COL4A2: variants seen among roughly 807,000 people sequenced by gnomAD.
The protein encoded by COL4A2 is collagen alpha-2(IV) chain.
Under a neutral mutation model 200.2 loss-of-function variants are expected in COL4A2, and 99 were observed. The ratio of observed to expected loss-of-function variants is 0.49; its 90% confidence interval spans 0.42 to 0.58. The LOEUF is 0.58. Ranked by LOEUF, COL4A2 falls within the 20% of genes least tolerant of loss-of-function variation. COL4A2 has a pLI of 0.00. For missense variants in COL4A2, 1,950 were observed against 2,314.1 expected (o/e 0.84, Z 3.23); for synonymous variants, 897 against 900.6 (o/e 1.00, Z 0.07).
Position 110,412,041 on chromosome 13 carries a change from G to A in COL4A2, c.181-12693G>A, listed in dbSNP as rs1228498523. Among the ~76,000 whole-genome samples, 5 of 152,214 alleles carry A rather than the reference G, an allele frequency of 3.3e-5. No individual in the cohort carries two copies. In the East Asian group the frequency reaches 9.6e-4, roughly 29 times the overall value. On this transcript the variant is annotated intron_variant, in intron 4 of 47. Transcript: ENST00000360467. ...TGTTCTAGCTTAGTCCCAACCAGGG[G>A]TCAAAGCTAATAACCTGAAACACTC... is the stretch of plus-strand genomic sequence containing the variant.
At chr13:110,310,132 C>T (rs56074938) in intron 3 of COL4A2, among the ~76,000 whole-genome samples, 46,137 of 152,174 alleles carry the variant, frequency 0.3, 7,466 homozygotes, top group Admixed American at 0.37. Context: ...TAGGACACCT[C>T]TATGCCTCCC....
chr13:110,399,791 G>A (rs527824983), intron 4 of COL4A2, among the ~76,000 whole-genome samples: 1 of 152,334 alleles, frequency 6.6e-6, no homozygotes, highest in Admixed American at 6.5e-5. Flanking sequence ...GCAGGAATAT[G>A]ATAGGCCACC....
chr13:110,364,828 A>G (rs1877674405), intron 4 of COL4A2, among the ~76,000 whole-genome samples: 1 of 152,184 alleles, frequency 6.6e-6, no homozygotes, highest in African/African-American at 2.4e-5. Flanking sequence ...GATGTTCAGT[A>G]TGGTAACTGC....
chr13:110,383,645 T>C (rs1878579198), intron 4 of COL4A2, among the ~76,000 whole-genome samples: 1 of 125,814 alleles, frequency 7.9e-6, no homozygotes, highest in Admixed American at 9.3e-5. Context: ...TGAGACAGTC[T>C]CGCTCTGTCA....
At chr13:110,490,948 A>G (rs1883265448) in intron 36 of COL4A2, among the ~76,000 whole-genome samples, 1 of 152,132 alleles carries the variant, frequency 6.6e-6, no homozygotes, top group African/African-American at 2.4e-5. Context: ...TGGTCCCACA[A>G]TGGAAGGGTG....
At chr13:110,467,145 T>C (rs1348819852) in intron 27 of COL4A2, 49 bp downstream of exon 27, 1 of 1,610,586 alleles carries the variant, frequency 6.2e-7, no homozygotes, top group Non-Finnish European at 8.5e-7. Flanking sequence ...CTCCCACATC[T>C]TCACACTGCT....
intron 8 of COL4A2, 135 bp from the exon 9 acceptor site, chr13:110,430,266 T>C: frequency 9.9e-7 from 1 of 1,006,924 alleles, no homozygotes. Context: ...AAAATTAATA[T>C]TAGTAAATTA....
intron 12 of COL4A2, among the ~76,000 whole-genome samples, chr13:110,434,695 T>C (rs552461871): frequency 6.6e-6 from 1 of 152,174 alleles, no homozygotes; most frequent in Admixed American, 6.5e-5. Context: ...AGACATAAGC[T>C]CAGCTCATCT....
In COL4A2 at chr13:110,469,220, C is replaced by A; in HGVS notation, c.2099C>A (p.Ala700Asp). 1.3e-6 allele frequency: 2 copies of A among 1,588,154 alleles called. No homozygotes were observed. Among genetic ancestry groups the A allele is most frequent in the Non-Finnish European group, 8.6e-7 (1 of 1,166,516 alleles). ...TGTGGTTTATTTGGTTATTTAGGTG[C>A]CAAAGGCCTCCGAGGAATCCCAGGC... ...GLPGPPGPTG[A>D]KGLRGIPGFA... The change falls in exon 28 of 48, where the codon GCC becomes GAC. Residue 700 changes from alanine (A) to aspartate (D), a missense_variant. Physicochemically the swap from Ala to Asp is moderately radical, Grantham distance 126. Transcript: ENST00000360467.
chr13:110,475,468 C>G (rs931541511), intron 29 of COL4A2, among the ~76,000 whole-genome samples: 1 of 152,200 alleles, frequency 6.6e-6, no homozygotes, highest in African/African-American at 2.4e-5. Context: ...TTTTTTAAAA[C>G]TTAATTACTT....
In COL4A2 at chr13:110,458,751, C is replaced by T; in HGVS notation, c.1433-20C>T. 1 of 1,613,658 alleles carries T rather than the reference C, an allele frequency of 6.2e-7. No homozygotes were observed. Among genetic ancestry groups the T allele is most frequent in the Non-Finnish European group, 8.5e-7 (1 of 1,179,794 alleles). On this transcript the variant is annotated intron_variant, in intron 21 of 47. Transcript: ENST00000360467. Reference sequence around the variant, plus strand: ...AAGAGGAATGCGGAACAAGGAGGCCCTCCTCTCCCTCCTCTGCAGGTGACG... The same window carrying T: ...AAGAGGAATGCGGAACAAGGAGGCCTTCCTCTCCCTCCTCTGCAGGTGACG...
chr13:110,457,462 G>C, intron 21 of COL4A2, 27 bp downstream of exon 21: 1 of 1,337,994 alleles, frequency 7.5e-7, no homozygotes, highest in Non-Finnish European at 1.1e-6. Flanking sequence ...GGGACGGGAT[G>C]AGGACAGCCT....
chr13:110,331,864 C>A (rs998240197), intron 3 of COL4A2, among the ~76,000 whole-genome samples: 8 of 152,134 alleles, frequency 5.3e-5, no homozygotes, highest in Non-Finnish European at 1.0e-4. Context: ...ATTTTCCATA[C>A]CCACTTGGGA....
chr13:110,353,245 A>G (rs1877039685), intron 3 of COL4A2, among the ~76,000 whole-genome samples: 1 of 152,202 alleles, frequency 6.6e-6, no homozygotes, highest in African/African-American at 2.4e-5. Context: ...AAGTTAAAAT[A>G]TGGACCAGGG....
intron 4 of COL4A2, among the ~76,000 whole-genome samples, chr13:110,396,576 C>T (rs996176252): frequency 2.6e-5 from 4 of 152,162 alleles, no homozygotes; most frequent in African/African-American, 4.8e-5. Flanking sequence ...CTTGTCTTTT[C>T]TGGAGAACAT....
At chr13:110,324,909 G>T (rs118064697) in intron 3 of COL4A2, among the ~76,000 whole-genome samples, 2 of 152,144 alleles carry the variant, frequency 1.3e-5, no homozygotes, top group East Asian at 3.9e-4. Context: ...TTCATCTGTT[G>T]GTTCTTTGGA....
intron 4 of COL4A2, among the ~76,000 whole-genome samples, chr13:110,413,388 G>A (rs184162380): frequency 1.9e-4 from 29 of 152,326 alleles, no homozygotes; most frequent in African/African-American, 5.5e-4. Context: ...TGGGTACAGA[G>A]ATGTAGTATG....
chr13:110,372,125 T>G (rs1878038518), intron 4 of COL4A2, among the ~76,000 whole-genome samples: 1 of 152,216 alleles, frequency 6.6e-6, no homozygotes, highest in South Asian at 2.1e-4. Context: ...CATGAACAAC[T>G]GGGTATTTTG....
At chr13:110,488,662 G>A (rs1239200150) in intron 34 of COL4A2, among the ~76,000 whole-genome samples, 2 of 152,216 alleles carry the variant, frequency 1.3e-5, no homozygotes, top group Non-Finnish European at 1.5e-5. Context: ...TGCTGGCTGA[G>A]TGACCTTAAG....
Sources: allele counts gnomAD v4.1 joint callset (sites outside exome capture counted in the v4.1 genomes callset), GRCh38; gene constraint gnomAD v4.1.1; transcripts MANE v1.5; gene names NCBI Gene and HGNC (gene_info 2026-07-23, HGNC 2026-07-21).